DIP2B: variants seen among roughly 807,000 people sequenced by gnomAD.
DIP2B encodes DIP2 acetate--CoA ligase B (putative), also known as disco-interacting protein 2 homolog B.
In DIP2B, 76 loss-of-function variants were observed where a neutral mutation model predicts 198.0. That is an observed-to-expected ratio of 0.38 (90% confidence interval 0.32 to 0.46). The LOEUF (loss-of-function observed/expected upper bound fraction) is 0.46, where lower values mean the gene tolerates loss of function less well. Ranked by LOEUF, DIP2B falls within the 20% of genes least tolerant of loss-of-function variation. The pLI is 0.99. For synonymous variants in DIP2B, 701 were observed against 739.1 expected (o/e 0.95, Z 0.84); for missense variants, 1,559 against 1,978.4 (o/e 0.79, Z 4.02).
At chr12:50,526,781 C>G (rs2139358874) in intron 1 of DIP2B, among the ~76,000 whole-genome samples, 1 of 152,076 alleles carries the variant, frequency 6.6e-6, no homozygotes, top group African/African-American at 2.4e-5. Flanking sequence ...GATTACAGGC[C>G]TGTGCCACCA....
chr12:50,603,662 C>T lies in DIP2B; in HGVS notation c.101-22314C>T, dbSNP rs1393787660. On this transcript the variant is annotated intron_variant, in intron 1 of 37. Coordinates refer to ENST00000301180, the MANE Select transcript of DIP2B (RefSeq NM_173602.3). ...ATTTGAGCCCAGGAGGTCGAGGTTG[C>T]AGCAAGCCATGATCATACCACTGCA... Among the ~76,000 whole-genome samples the T allele has an allele frequency of 3.3e-5, 5 of 151,714 alleles. No homozygotes were observed. The East Asian group carries it at 9.7e-4, about 29-fold the overall frequency.
intron 21 of DIP2B, among the ~76,000 whole-genome samples, chr12:50,707,500 G>T (rs1939534946): frequency 6.6e-6 from 1 of 152,200 alleles, no homozygotes; most frequent in African/African-American, 2.4e-5. Context: ...CTGCTCTCCG[G>T]TGCCTTCCCA....
intron 1 of DIP2B, among the ~76,000 whole-genome samples, chr12:50,576,905 C>T: frequency 6.6e-6 from 1 of 151,842 alleles, no homozygotes; most frequent in Non-Finnish European, 1.5e-5. Context: ...GTCTCGTTGC[C>T]CAGGCTGGAG....
chr12:50,643,670 G>A (rs1014294016), intron 3 of DIP2B, among the ~76,000 whole-genome samples: 2 of 152,068 alleles, frequency 1.3e-5, no homozygotes, highest in East Asian at 3.9e-4. Context: ...CTCAGGATGT[G>A]AAAGAAATTG....
At chr12:50,602,006 G>C (rs73307162) in intron 1 of DIP2B, among the ~76,000 whole-genome samples, 13,981 of 152,176 alleles carry the variant, frequency 0.092, 954 homozygotes, top group African/African-American at 0.18. Flanking sequence ...TCTTTCTCAT[G>C]TTATTAGCCA....
intron 1 of DIP2B, among the ~76,000 whole-genome samples, chr12:50,591,685 C>G (rs1354277339): frequency 1.3e-5 from 2 of 151,468 alleles, no homozygotes; most frequent in African/African-American, 2.4e-5. Flanking sequence ...GTCTCCAACT[C>G]CTGGACTAAA....
rs60627093 is a variant in DIP2B at position 50,717,896 on chromosome 12, C to CTTTTT, written c.2852-795_2852-791dup. Among the ~76,000 whole-genome samples the CTTTTT allele has an allele frequency of 8.4e-4, 73 of 87,056 alleles. 4 individuals carry two copies. The highest frequency in any genetic ancestry group is 3.6e-3 in the East Asian group (11 of 3,022). 57.1% of individuals were successfully genotyped at this position (87,056 alleles called of 152,430 possible). ...AGCCACCGTTCCTGGCCATTATTCACTTTTTTTTTTTTTTTTTTTTTTGAG... is the reference window on the plus strand; with the variant it reads ...AGCCACCGTTCCTGGCCATTATTCACTTTTTTTTTTTTTTTTTTTTTTTTTTTGAG... On this transcript the variant is annotated intron_variant, in intron 23 of 37. Coordinates refer to ENST00000301180, the MANE Select transcript of DIP2B (RefSeq NM_173602.3).
intron 1 of DIP2B, among the ~76,000 whole-genome samples, chr12:50,531,334 C>T (rs550906486): frequency 6.6e-6 from 1 of 152,144 alleles, no homozygotes; most frequent in East Asian, 1.9e-4. Flanking sequence ...AGGTGTGAGC[C>T]GCTGCACCCA....
At chr12:50,566,471 A>C (rs558084456) in intron 1 of DIP2B, among the ~76,000 whole-genome samples, 1 of 152,102 alleles carries the variant, frequency 6.6e-6, no homozygotes, top group African/African-American at 2.4e-5. Flanking sequence ...TTTGTTTGAG[A>C]TTCTCCTTCA....
intron 4 of DIP2B, among the ~76,000 whole-genome samples, chr12:50,663,286 G>A (rs930801451): frequency 2.0e-5 from 3 of 151,278 alleles, no homozygotes; most frequent in African/African-American, 2.4e-5. Context: ...TTAGCCGGGC[G>A]TGGTGGCAGC....
intron 7 of DIP2B, among the ~76,000 whole-genome samples, chr12:50,676,403 A>G (rs954557053): frequency 2.0e-5 from 3 of 152,228 alleles, no homozygotes; most frequent in African/African-American, 7.2e-5. Flanking sequence ...GCAGAAAGCA[A>G]CCTGACATAT....
chr12:50,618,204 G>T (rs1329497737), intron 1 of DIP2B, among the ~76,000 whole-genome samples: 2 of 152,192 alleles, frequency 1.3e-5, no homozygotes, highest in African/African-American at 2.4e-5. Context: ...AAGAATGTTA[G>T]ATTGGTGGTG....
intron 1 of DIP2B, among the ~76,000 whole-genome samples, chr12:50,546,032 A>G (rs1454735929): frequency 6.6e-6 from 1 of 152,222 alleles, no homozygotes; most frequent in African/African-American, 2.4e-5. Context: ...AAATGAGTAC[A>G]ACTGAATATA....
At chr12:50,518,079 AAGC>A (rs1958081647) in intron 1 of DIP2B, among the ~76,000 whole-genome samples, 1 of 152,192 alleles carries the variant, frequency 6.6e-6, no homozygotes, top group African/African-American at 2.4e-5. Flanking sequence ...AGGTAGCAAA[AAGC>A]ACCTAAACAT....
At chr12:50,589,058 C>G (rs1020796148) in intron 1 of DIP2B, among the ~76,000 whole-genome samples, 1 of 151,584 alleles carries the variant, frequency 6.6e-6, no homozygotes, top group African/African-American at 2.4e-5. Context: ...GTGGCGGGCA[C>G]CTGTAGTCCC....
chr12:50,593,438 G>T (rs1190468412), intron 1 of DIP2B, among the ~76,000 whole-genome samples: 2 of 151,818 alleles, frequency 1.3e-5, no homozygotes, highest in Non-Finnish European at 2.9e-5. Context: ...CCGGGAGGCG[G>T]AGGTTGCAGT....
chr12:50,691,531 T>C (rs1939221654), intron 13 of DIP2B, among the ~76,000 whole-genome samples: 1 of 152,206 alleles, frequency 6.6e-6, no homozygotes, highest in South Asian at 2.1e-4. Flanking sequence ...CAAAAATGTA[T>C]TCGATATTTT....
chr12:50,739,340 ACCTGAT>A, intron 35 of DIP2B, 63 bp from the exon 36 acceptor site: 1 of 1,524,642 alleles, frequency 6.6e-7, no homozygotes. Flanking sequence ...AATCAAAATA[ACCTGAT>A]CCAAGAGAAT....
intron 2 of DIP2B, among the ~76,000 whole-genome samples, chr12:50,629,232 T>G (rs1275990490): frequency 6.6e-6 from 1 of 152,204 alleles, no homozygotes; most frequent in Non-Finnish European, 1.5e-5. Context: ...TGGTCTTTCT[T>G]ACAGGCTCAT....
Sources: gnomAD v4.1 joint callset for allele counts (sites outside exome capture counted in the v4.1 genomes callset) on GRCh38, gnomAD v4.1.1 for gene constraint, MANE v1.5 for transcripts, NCBI Gene and HGNC (gene_info 2026-07-23, HGNC 2026-07-21) for gene names.